Variants in CASZ1 observed in about 807,000 individuals in gnomAD.
CASZ1 encodes castor zinc finger 1.
CASZ1 carries 28 observed loss-of-function variants against 135.2 expected under a neutral mutation model. The observed-to-expected ratio is 0.21, with a 90% confidence interval of 0.15 to 0.28. The LOEUF (loss-of-function observed/expected upper bound fraction) is 0.28. Among genes scored for constraint, CASZ1 ranks in the 10% least tolerant of loss-of-function variants. CASZ1 has a pLI of 1.00. For synonymous variants in CASZ1, 1,068 were observed against 1,073.4 expected (o/e 0.99, Z 0.10); for missense variants, 2,161 against 2,453.3 (o/e 0.88, Z 2.52).
intron 8 of CASZ1, among the ~76,000 whole-genome samples, chr1:10,656,209 C>G (rs1642790935): frequency 6.6e-6 from 1 of 152,180 alleles, no homozygotes; most frequent in Non-Finnish European, 1.5e-5. Flanking sequence ...TGCCCTGACT[C>G]TCCCCCCACT....
At chr1:10,730,164 G>A (rs1639677698) in intron 2 of CASZ1, among the ~76,000 whole-genome samples, 1 of 151,976 alleles carries the variant, frequency 6.6e-6, no homozygotes, top group Non-Finnish European at 1.5e-5. Context: ...AGGCTGGAGT[G>A]CAGTGGTGTG....
Position 10,734,319 on chromosome 1 carries a change from G to GA in CASZ1, c.-77+26381dup, listed in dbSNP as rs201967373. On this transcript the variant is annotated intron_variant, in intron 2 of 20. Coordinates refer to ENST00000377022, the MANE Select transcript of CASZ1 (RefSeq NM_001079843.3). ...AATCCCATGGCCGTGCCCTCCCTTG[G>GA]AAAAAAAAAAAATTCTAGGAAACAA... Among the ~76,000 whole-genome samples the GA allele has an allele frequency of 9.9e-4, 141 of 141,956 alleles. 1 individual carries two copies. The East Asian group carries it at 0.015, about 15-fold the overall frequency. 93.1% of individuals were successfully genotyped at this position (141,956 alleles called of 152,430 possible).
At position 10,663,902 on chromosome 1, in the gene CASZ1, C is replaced by A. The variant is rs141268189; in HGVS notation, c.505+1181G>T. ...AGGGGCTGAGGCCCACTCCGCTCCC[C>A]GTCAGCTGCGGGCAGAGCTGGCCTG... On this transcript the variant is annotated intron_variant, in intron 5 of 20. Coordinates refer to ENST00000377022, the MANE Select transcript of CASZ1 (RefSeq NM_001079843.3). Among the ~76,000 whole-genome samples, 12 of 152,292 alleles carry A rather than the reference C, an allele frequency of 7.9e-5. No homozygotes were observed. The East Asian group carries it at 2.1e-3, about 27-fold the overall frequency.
intron 1 of CASZ1, among the ~76,000 whole-genome samples, chr1:10,780,159 C>T (rs1640737752): frequency 1.3e-5 from 2 of 152,226 alleles, no homozygotes; most frequent in Admixed American, 6.5e-5. Context: ...ACGCTCTGCT[C>T]TCCATTTTTA....
chr1:10,736,568 A>C (rs1223675401), intron 2 of CASZ1, among the ~76,000 whole-genome samples: 1 of 152,204 alleles, frequency 6.6e-6, no homozygotes, highest in Non-Finnish European at 1.5e-5. Context: ...TTTGCAGATG[A>C]GTACATGGAG....
At chr1:10,736,112 C>A (rs909469655) in intron 2 of CASZ1, among the ~76,000 whole-genome samples, 3 of 152,146 alleles carry the variant, frequency 2.0e-5, no homozygotes, top group Non-Finnish European at 4.4e-5. Context: ...TGCTGATGGG[C>A]GGTACTGGCA....
chr1:10,669,324 C>T (rs58140483), intron 4 of CASZ1, among the ~76,000 whole-genome samples: 5,906 of 152,322 alleles, frequency 0.039, 147 homozygotes, highest in South Asian at 0.1. Context: ...GACTCCTTCC[C>T]CTGCCCCGTC....
At position 10,649,364 on chromosome 1, in the gene CASZ1, T is replaced by C; in HGVS notation, c.2954A>G (p.Glu985Gly). The C allele has an allele frequency of 6.2e-7, 1 of 1,605,112 alleles. No individual in the cohort carries two copies. ...KAEAEGSPAA[E>G]PSPFLGKAVK... is the part of the protein sequence containing the mutation. ...GGCCTTGCCTAGGAAGGGCGAGGGCTCCGCAGCGGGGCTCCCCTCCGCTTC... is the reference window on the plus strand; with the variant it reads ...GGCCTTGCCTAGGAAGGGCGAGGGCCCCGCAGCGGGGCTCCCCTCCGCTTC... The change falls in exon 14 of 21, where the codon GAG (glutamate) becomes GGG (glycine). Residue 985 changes from glutamate to glycine, a missense_variant. Around this residue, in one of 7 missense-constraint regions of CASZ1, gnomAD observed 406 missense variants for 387.6 expected, o/e 1.05. Coordinates refer to ENST00000377022, the MANE Select transcript of CASZ1 (RefSeq NM_001079843.3).
intron 2 of CASZ1, among the ~76,000 whole-genome samples, chr1:10,729,821 T>A (rs199681623): frequency 1.0e-3 from 155 of 150,402 alleles, no homozygotes; most frequent in East Asian, 9.2e-3. Flanking sequence ...ATTTTATTTT[T>A]TTTTTTATTT....
rs72860177 is a variant in CASZ1, at chr1:10,717,235, C to T, written c.-76-11691G>A. ...TGCCTATCAGCACTTTCCAAAAAGC[C>T]CCTGCAGTTCCCACGGAACCCACTC... On this transcript the variant is annotated intron_variant, in intron 2 of 20. Coordinates refer to ENST00000377022, the MANE Select transcript of CASZ1 (RefSeq NM_001079843.3). The surrounding 1 kb of genome is among the most constrained non-coding windows in gnomAD (Gnocchi z 4.6). Among the ~76,000 whole-genome samples the T allele has an allele frequency of 5.5e-3, 831 of 152,246 alleles. 9 individuals are homozygous for T. The highest frequency in any genetic ancestry group is 0.044 in the East Asian group (228 of 5,172).
chr1:10,671,347 CCTGT>C (rs1214682362), intron 4 of CASZ1, among the ~76,000 whole-genome samples: 3 of 152,212 alleles, frequency 2.0e-5, no homozygotes, highest in Admixed American at 6.5e-5. Flanking sequence ...CGCTCGGATG[CCTGT>C]GTTTGTACAA....
At chr1:10,736,834 G>A (rs935963997) in intron 2 of CASZ1, among the ~76,000 whole-genome samples, 1 of 152,216 alleles carries the variant, frequency 6.6e-6, no homozygotes, top group Admixed American at 6.5e-5. Context: ...CAGGGACGTG[G>A]GAGGAACTAT....
At chr1:10,736,873 C>T (rs975401955) in intron 2 of CASZ1, among the ~76,000 whole-genome samples, 4 of 152,192 alleles carry the variant, frequency 2.6e-5, no homozygotes, top group South Asian at 2.1e-4. Context: ...GGGACTGGCA[C>T]GCCTGGGTGG....
In CASZ1 at chr1:10,697,260, TTCTC is replaced by T. The variant is rs1429556049; in HGVS notation, c.-23-3352_-23-3349del. On this transcript the variant is annotated intron_variant, in intron 3 of 20. Transcript: ENST00000377022. This position sits in a 1 kb window ranked among gnomAD's most constrained non-coding sequence, Gnocchi z 4.7. ...TTATGCGCCCCCCCCTTCTCTCTCT[TTCTC>T]TCTGAGTGTATCTGCTCATACCAAG... Among the ~76,000 whole-genome samples, 3 of 152,034 alleles carry T rather than the reference TTCTC, an allele frequency of 2.0e-5. No homozygotes were observed. Among genetic ancestry groups the T allele is most frequent in the African/African-American group, 7.2e-5 (3 of 41,404 alleles).
intron 4 of CASZ1, among the ~76,000 whole-genome samples, chr1:10,682,313 G>A (rs568845518): frequency 6.6e-6 from 1 of 152,128 alleles, no homozygotes; most frequent in African/African-American, 2.4e-5. Context: ...GGGGCAACGG[G>A]AAATATCACC....
At chr1:10,692,421 G>A (rs1638796608) in intron 4 of CASZ1, among the ~76,000 whole-genome samples, 1 of 152,158 alleles carries the variant, frequency 6.6e-6, no homozygotes, top group Non-Finnish European at 1.5e-5. Context: ...TCCGAAGAAA[G>A]GGGGTGGGGC....
intron 2 of CASZ1, among the ~76,000 whole-genome samples, chr1:10,744,458 T>C (rs112066581): frequency 0.14 from 111 of 804 alleles, 2 homozygotes; most frequent in African/African-American, 0.36. Flanking sequence ...CGAGCAGGCA[T>C]GTCCTGGGCA....
intron 2 of CASZ1, among the ~76,000 whole-genome samples, chr1:10,746,936 T>G (rs958701127): frequency 6.6e-6 from 1 of 152,214 alleles, no homozygotes; most frequent in African/African-American, 2.4e-5. Context: ...TCCCACTCCC[T>G]GCCCCTTCTC....
chr1:10,665,529 G>A lies in CASZ1; in HGVS notation c.59C>T (p.Ala20Val), dbSNP rs901910503. 1.4e-5 allele frequency: 23 copies of A among 1,594,818 alleles called. No homozygotes were observed. In the Admixed American group the frequency reaches 2.7e-4, roughly 19 times the overall value. The change falls in exon 5 of 21, where the codon GCC (alanine) becomes GTC (valine). Residue 20 changes from alanine (A) to valine (V), a missense_variant. By Grantham distance (64) the Ala-to-Val change is moderately conservative. This residue lies in a region of CASZ1 where 590 missense variants were observed against 609.8 expected (regional missense o/e 0.97). Transcript: ENST00000377022. ...RCTDPPAGKP[A>V]MAPKRKGGLK... ...GCCACCCTTGCGTTTGGGCGCCATG[G>A]CGGGCTTGCCTGCAGGCGGGTCCGT... is the stretch of plus-strand genomic sequence containing the variant.
Sources: gnomAD v4.1 joint callset for allele counts (sites outside exome capture counted in the v4.1 genomes callset) on GRCh38, gnomAD v4.1.1 for gene constraint, gnomAD v4.1.1 regional missense constraint, Gnocchi (gnomAD v3.1) non-coding constraint, MANE v1.5 for transcripts, NCBI Gene and HGNC (gene_info 2026-07-23, HGNC 2026-07-21) for gene names.